Variants in LPAR1 observed in about 807,000 individuals in gnomAD.
LPAR1 encodes LPA receptor 1.
Under a neutral mutation model 23.8 loss-of-function variants are expected in LPAR1, and 5 were observed. That is an observed-to-expected ratio of 0.21 (90% CI 0.11 to 0.44). The LOEUF (loss-of-function observed/expected upper bound fraction) is 0.44. Ranked by LOEUF, LPAR1 falls within the 20% of genes least tolerant of loss-of-function variation. LPAR1 has a pLI of 0.99. For missense variants in LPAR1, 311 were observed against 482.8 expected, an observed-to-expected ratio of 0.64 and a Z score of 3.33; for synonymous variants, 160 against 164.7, an observed-to-expected ratio of 0.97 and a Z score of 0.22.
intron 2 of LPAR1, among the ~76,000 whole-genome samples, chr9:110,995,840 C>T (rs1171910479): frequency 6.6e-6 from 1 of 152,180 alleles, no homozygotes; most frequent in Admixed American, 6.6e-5. Context: ...CCCTCTCTAA[C>T]TTATGTGAGT....
chr9:110,956,637 A>C (rs556382505), intron 4 of LPAR1, among the ~76,000 whole-genome samples: 1 of 152,248 alleles, frequency 6.6e-6, no homozygotes, highest in South Asian at 2.1e-4. Flanking sequence ...AGAAATACAA[A>C]AGATCATCAG....
chr9:110,993,233 T>A (rs2096931489), intron 2 of LPAR1, among the ~76,000 whole-genome samples: 1 of 152,170 alleles, frequency 6.6e-6, no homozygotes, highest in Non-Finnish European at 1.5e-5. Context: ...CATCAACTTG[T>A]CATTTACATT....
At chr9:110,946,019 G>A (rs757613635) in intron 4 of LPAR1, among the ~76,000 whole-genome samples, 6 of 152,040 alleles carry the variant, frequency 3.9e-5, no homozygotes, top group Non-Finnish European at 7.4e-5. Flanking sequence ...ATTAAGTAAT[G>A]GATATCTTTG....
chr9:110,972,126 T>C lies in LPAR1; in HGVS notation c.-9A>G. On this transcript the variant is annotated 5_prime_UTR_variant, in exon 4 of 6. Transcript: ENST00000683809. ...GTAGAGATGGCAGCCATGACAGCTCTGTGGTTGTAGGTGGTGAACACGCCC... is the reference window on the plus strand; with the variant it reads ...GTAGAGATGGCAGCCATGACAGCTCCGTGGTTGTAGGTGGTGAACACGCCC... The C allele has an allele frequency of 6.2e-7, 1 of 1,613,936 alleles. No individual in the cohort carries two copies. The highest frequency in any genetic ancestry group is 8.5e-7 in the Non-Finnish European group (1 of 1,179,810).
chr9:110,983,796 C>T (rs2139164372), intron 2 of LPAR1, among the ~76,000 whole-genome samples: 1 of 151,572 alleles, frequency 6.6e-6, no homozygotes, highest in East Asian at 1.9e-4. Flanking sequence ...TAAATCAAAT[C>T]ATAATGGGAA....
At chr9:111,006,847 G>T (rs2097226857) in intron 2 of LPAR1, among the ~76,000 whole-genome samples, 1 of 152,050 alleles carries the variant, frequency 6.6e-6, no homozygotes, top group Non-Finnish European at 1.5e-5. Flanking sequence ...AAATAGTTTG[G>T]ATATTTGTCT....
intron 2 of LPAR1, among the ~76,000 whole-genome samples, chr9:110,983,351 A>C (rs904970558): frequency 6.6e-6 from 1 of 152,100 alleles, no homozygotes; most frequent in Non-Finnish European, 1.5e-5. Flanking sequence ...ATTCTGGCAT[A>C]TGCTATGACA....
At chr9:110,925,355 C>T (rs1284227737) in intron 5 of LPAR1, among the ~76,000 whole-genome samples, 1 of 151,906 alleles carries the variant, frequency 6.6e-6, no homozygotes, top group Non-Finnish European at 1.5e-5. Flanking sequence ...GCTGAAAAAC[C>T]ACTTATCATT....
At position 110,943,329 on chromosome 9, in the gene LPAR1, C is replaced by T. The variant is rs141715064; in HGVS notation, c.46-1161G>A. ...TTTGCTTTGAATCTAATAAATTACC[C>T]AAAACATATGACACTTTTAACCACT... On this transcript the variant is annotated intron_variant, in intron 4 of 5. Coordinates refer to ENST00000683809, the MANE Select transcript of LPAR1 (RefSeq NM_001351411.2). Among the ~76,000 whole-genome samples, 9 of 151,654 alleles carry T rather than the reference C, an allele frequency of 5.9e-5. No individual in the cohort carries two copies. The East Asian group carries it at 1.7e-3, about 29-fold the overall frequency.
Position 111,031,431 on chromosome 9 carries a change from A to G in LPAR1, c.-182+4691T>C, listed in dbSNP as rs573227213. 1.3e-4 allele frequency among the ~76,000 whole-genome samples: 20 copies of G among 151,164 alleles called. No individual in the cohort carries two copies. In the South Asian group the frequency reaches 4.2e-3, roughly 32 times the overall value. ...AGAAAAAAAAAAAGAAAAGAAAAAG[A>G]AAGAAGAAGAAAGAAAGAAAAAGAA... On this transcript the variant is annotated intron_variant, in intron 2 of 5. Coordinates refer to ENST00000683809, the MANE Select transcript of LPAR1 (RefSeq NM_001351411.2).
intron 5 of LPAR1, among the ~76,000 whole-genome samples, chr9:110,889,351 CT>C (rs2083383412): frequency 6.6e-6 from 1 of 151,928 alleles, no homozygotes; most frequent in Non-Finnish European, 1.5e-5. Context: ...GAGTAAGACT[CT>C]GTCTCAAAAA....
chr9:110,975,890 A>G (rs971992382), intron 2 of LPAR1, among the ~76,000 whole-genome samples: 2 of 152,226 alleles, frequency 1.3e-5, no homozygotes, highest in Non-Finnish European at 1.5e-5. Context: ...CATTACAAGA[A>G]CGCTTTATAA....
chr9:110,979,953 A>C (rs2138877581), intron 2 of LPAR1, among the ~76,000 whole-genome samples: 1 of 152,298 alleles, frequency 6.6e-6, no homozygotes, highest in Middle Eastern at 3.4e-3. Flanking sequence ...ATGAGTAAAA[A>C]GCACATAGAA....
chr9:110,882,746 C>CT (rs2081232565), intron 5 of LPAR1, among the ~76,000 whole-genome samples: 1 of 149,336 alleles, frequency 6.7e-6, no homozygotes, highest in African/African-American at 2.4e-5. Flanking sequence ...GGGGACGGTG[C>CT]TTTGGTTATA....
intron 5 of LPAR1, among the ~76,000 whole-genome samples, chr9:110,935,046 G>T (rs1275288526): frequency 6.6e-6 from 1 of 152,132 alleles, no homozygotes. Flanking sequence ...TAGGGAGGGA[G>T]ATTACCAATT....
intron 5 of LPAR1, among the ~76,000 whole-genome samples, chr9:110,938,083 A>G (rs1487389930): frequency 1.3e-5 from 2 of 152,204 alleles, no homozygotes; most frequent in African/African-American, 4.8e-5. Flanking sequence ...GCATTCCCTC[A>G]GCATTTATTG....
intron 2 of LPAR1, among the ~76,000 whole-genome samples, chr9:110,982,416 A>G (rs1429050373): frequency 1.3e-5 from 2 of 152,096 alleles, no homozygotes; most frequent in African/African-American, 4.8e-5. Flanking sequence ...CATAAGTGGG[A>G]GTTGAACAAT....
intron 2 of LPAR1, among the ~76,000 whole-genome samples, chr9:110,992,263 A>G (rs1253293302): frequency 6.6e-6 from 1 of 152,178 alleles, no homozygotes; most frequent in Non-Finnish European, 1.5e-5. Flanking sequence ...AGCATAGAAG[A>G]GCAATTAGGA....
intron 4 of LPAR1, among the ~76,000 whole-genome samples, chr9:110,954,529 A>G (rs923434634): frequency 1.3e-5 from 2 of 152,130 alleles, no homozygotes; most frequent in Non-Finnish European, 2.9e-5. Flanking sequence ...TAATCAAACT[A>G]TCAAAAGTCA....
Sources: allele counts gnomAD v4.1 joint callset (sites outside exome capture counted in the v4.1 genomes callset), GRCh38; gene constraint gnomAD v4.1.1; transcripts MANE v1.5; gene names NCBI Gene and HGNC (gene_info 2026-07-23, HGNC 2026-07-21).